MAP2K6: variants seen among roughly 807,000 people sequenced by gnomAD.
MAP2K6 encodes dual specificity mitogen-activated protein kinase kinase 6.
MAP2K6 carries 16 observed loss-of-function variants against 53.7 expected under a neutral mutation model. The observed-to-expected ratio is 0.30, with a 90% CI of 0.20 to 0.45. MAP2K6 has a LOEUF of 0.45. MAP2K6 is among the 20% of genes least tolerant of loss of function. MAP2K6 has a pLI of 1.00. For missense variants in MAP2K6, 204 were observed against 411.9 expected, an observed-to-expected ratio of 0.50 and a Z score of 4.37; for synonymous variants, 132 against 143.1, an observed-to-expected ratio of 0.92 and a Z score of 0.55.
At chr17:69,466,626 C>T (rs778083993) in intron 1 of MAP2K6, among the ~76,000 whole-genome samples, 4 of 152,240 alleles carry the variant, frequency 2.6e-5, no homozygotes, top group African/African-American at 9.6e-5. Flanking sequence ...ATCAGATGCT[C>T]TTAGCAATCC....
chr17:69,552,760 G>A lies in MAP2K6; in HGVS notation c.*11007G>A, dbSNP rs2144898142. The A allele has an allele frequency of 6.6e-6, 1 of 152,300 alleles. No homozygotes were observed. Among genetic ancestry groups the A allele is most frequent in the Admixed American group, 6.5e-5 (1 of 15,308 alleles). The allele number at this position is 152,300 out of a possible 1,614,324, so 9.4% of individuals were successfully genotyped here. On this transcript the variant is annotated 3_prime_UTR_variant, in exon 12 of 12. Coordinates refer to ENST00000590474, the MANE Select transcript of MAP2K6 (RefSeq NM_002758.4). ...TTTAAAATACCTGTTTTGTGGGACA[G>A]CATGCCTTTGTTTTCTTTGCCTGTT... is the stretch of plus-strand genomic sequence containing the variant.
intron 1 of MAP2K6, among the ~76,000 whole-genome samples, chr17:69,444,665 AG>A (rs1208252923): frequency 6.6e-6 from 1 of 152,120 alleles, no homozygotes; most frequent in Non-Finnish European, 1.5e-5. Flanking sequence ...ACTGATTCTG[AG>A]GTTTCAGTGG....
chr17:69,475,773 T>C (rs1908130018), intron 1 of MAP2K6, among the ~76,000 whole-genome samples: 1 of 152,188 alleles, frequency 6.6e-6, no homozygotes, highest in Non-Finnish European at 1.5e-5. Flanking sequence ...GGCCCTGGCC[T>C]CTGGTCCCAG....
In MAP2K6 at chr17:69,552,872, G is replaced by A. The variant is rs951583328; in HGVS notation, c.*11119G>A. On this transcript the variant is annotated 3_prime_UTR_variant, in exon 12 of 12. Coordinates refer to ENST00000590474, the MANE Select transcript of MAP2K6 (RefSeq NM_002758.4). ...CATTTTTTTTTTCATTTGAACTATT[G>A]TTTATCATTATTAATGATGTTATCT... 24 of 151,370 alleles carry A rather than the reference G, an allele frequency of 1.6e-4. No individual in the cohort carries two copies. The highest frequency in any genetic ancestry group is 5.8e-4 in the African/African-American group (24 of 41,150). 9.4% of individuals were successfully genotyped at this position (151,370 alleles called of 1,614,324 possible). A position where few individuals can be genotyped will look rare whatever the true frequency, so the allele number is the denominator to read the frequency against.
chr17:69,462,040 C>T (rs565082528), intron 1 of MAP2K6, among the ~76,000 whole-genome samples: 15 of 152,154 alleles, frequency 9.9e-5, no homozygotes, highest in Admixed American at 1.3e-4. Flanking sequence ...GGTTTTAGTT[C>T]GCACTTGGGA....
chr17:69,530,074 C>T (rs1341526775), intron 10 of MAP2K6, among the ~76,000 whole-genome samples: 1 of 152,126 alleles, frequency 6.6e-6, no homozygotes, highest in Non-Finnish European at 1.5e-5. Flanking sequence ...ACTGTTTGCT[C>T]GGTGTCATGT....
intron 7 of MAP2K6, among the ~76,000 whole-genome samples, chr17:69,523,088 A>G (rs983886188): frequency 6.6e-6 from 1 of 152,002 alleles, no homozygotes; most frequent in Non-Finnish European, 1.5e-5. Flanking sequence ...AACAAAAACA[A>G]AGGTTGCTTT....
intron 1 of MAP2K6, among the ~76,000 whole-genome samples, chr17:69,440,988 A>T (rs986546239): frequency 1.3e-5 from 2 of 152,012 alleles, no homozygotes; most frequent in Non-Finnish European, 2.9e-5. Flanking sequence ...GAGTGTGTAT[A>T]TATGTGTGTG....
chr17:69,511,048 T>C (rs1909781433), intron 2 of MAP2K6, among the ~76,000 whole-genome samples: 1 of 152,238 alleles, frequency 6.6e-6, no homozygotes, highest in South Asian at 2.1e-4. Flanking sequence ...ACCTTTTATA[T>C]TAGTTTACAT....
chr17:69,453,879 A>G (rs1236664259), intron 1 of MAP2K6, among the ~76,000 whole-genome samples: 1 of 152,184 alleles, frequency 6.6e-6, no homozygotes, highest in Non-Finnish European at 1.5e-5. Flanking sequence ...GCATCATTAT[A>G]TTTTAAAGCT....
intron 1 of MAP2K6, among the ~76,000 whole-genome samples, chr17:69,501,426 C>T (rs922223780): frequency 8.5e-5 from 13 of 152,240 alleles, no homozygotes; most frequent in African/African-American, 3.1e-4. Flanking sequence ...CTCGTGTACC[C>T]CATCATTTTC....
chr17:69,449,551 TTCTTTCTTTA>T (rs1907116686), intron 1 of MAP2K6, among the ~76,000 whole-genome samples: 1 of 106,680 alleles, frequency 9.4e-6, no homozygotes, highest in African/African-American at 5.2e-5. Context: ...CTTTCTTTCT[TTCTTTCTTTA>T]TTTCTTTCTT....
At position 69,549,601 on chromosome 17, in the gene MAP2K6, T is replaced by C. The variant is rs757258100; in HGVS notation, c.*7848T>C. 5 of 152,198 alleles carry C rather than the reference T, an allele frequency of 3.3e-5. No homozygotes were observed. The highest frequency in any genetic ancestry group is 5.9e-5 in the Non-Finnish European group (4 of 68,030). The allele number at this position is 152,198 out of a possible 1,614,324, so 9.4% of individuals were successfully genotyped here. ...GGCTGCCTAAATGAACCCTATTGTTTCCAGTTCTTAAAAATTTAAGGGCTA... is the reference window on the plus strand; with the variant it reads ...GGCTGCCTAAATGAACCCTATTGTTCCCAGTTCTTAAAAATTTAAGGGCTA... On this transcript the variant is annotated 3_prime_UTR_variant, in exon 12 of 12. Transcript: ENST00000590474.
intron 1 of MAP2K6, among the ~76,000 whole-genome samples, chr17:69,450,637 C>A (rs561785763): frequency 6.6e-6 from 1 of 151,886 alleles, no homozygotes; most frequent in East Asian, 1.9e-4. Context: ...AACGGAATGT[C>A]TTTTCCTTGA....
intron 1 of MAP2K6, among the ~76,000 whole-genome samples, chr17:69,480,428 G>A (rs1908311378): frequency 6.6e-6 from 1 of 152,216 alleles, no homozygotes. Flanking sequence ...TTTTCAGAGA[G>A]CAAAGCTTCT....
rs1489875862 is a variant in MAP2K6 at position 69,552,102 on chromosome 17, CAT to C, written c.*10350_*10351del. 2.0e-5 allele frequency: 3 copies of C among 152,190 alleles called. No individual in the cohort carries two copies. The highest frequency in any genetic ancestry group is 7.2e-5 in the African/African-American group (3 of 41,454). The allele number at this position is 152,190 out of a possible 1,614,324, so 9.4% of individuals were successfully genotyped here. On this transcript the variant is annotated 3_prime_UTR_variant, in exon 12 of 12. Transcript: ENST00000590474. ...CCTTCTGTAAATTTTGTGATAGACA[CAT>C]GTTATTTGTATATATGATTGATTGT...
intron 1 of MAP2K6, among the ~76,000 whole-genome samples, chr17:69,496,224 C>T (rs1385974586): frequency 6.6e-6 from 1 of 151,620 alleles, no homozygotes; most frequent in Non-Finnish European, 1.5e-5. Context: ...TTCTTTGTGT[C>T]CTTCACCGAT....
At chr17:69,421,523 C>CT (rs1223777873) in intron 1 of MAP2K6, among the ~76,000 whole-genome samples, 1 of 150,674 alleles carries the variant, frequency 6.6e-6, no homozygotes, top group Non-Finnish European at 1.5e-5. Flanking sequence ...AGAGACAATC[C>CT]TTTTTTTGTT....
At chr17:69,520,662 T>C (rs1910418322) in intron 6 of MAP2K6, 1 of 391,068 alleles carries the variant, frequency 2.6e-6, no homozygotes. Context: ...TATTCTGACA[T>C]TAGTTTATTT....
Sources: allele counts gnomAD v4.1 joint callset (sites outside exome capture counted in the v4.1 genomes callset), GRCh38; gene constraint gnomAD v4.1.1; transcripts MANE v1.5; gene names NCBI Gene and HGNC (gene_info 2026-07-23, HGNC 2026-07-21).